Variants in CACNG4 observed in about 807,000 individuals in gnomAD.
CACNG4 encodes the protein calcium voltage-gated channel auxiliary subunit gamma 4, also known as voltage-dependent calcium channel gamma-4 subunit.
Under a neutral mutation model 22.9 loss-of-function variants are expected in CACNG4, and 8 were observed. The observed-to-expected ratio is 0.35, with a 90% CI of 0.21 to 0.63. The LOEUF (loss-of-function observed/expected upper bound fraction) is 0.63, where lower values mean the gene tolerates loss of function less well. Among genes scored for constraint, CACNG4 ranks in the 30% least tolerant of loss-of-function variants. The pLI is 0.72. For missense variants in CACNG4, 357 were observed against 455.4 expected (o/e 0.78, Z 1.97); for synonymous variants, 188 against 191.9 (o/e 0.98, Z 0.17).
At chr17:67,010,072 G>A (rs897261430) in intron 1 of CACNG4, among the ~76,000 whole-genome samples, 3 of 151,462 alleles carry the variant, frequency 2.0e-5, no homozygotes, top group Non-Finnish European at 2.9e-5. Context: ...CCTTTGCCCC[G>A]ACTGCCCCCT....
intron 1 of CACNG4, among the ~76,000 whole-genome samples, chr17:66,998,927 A>G (rs368698631): frequency 2.2e-4 from 34 of 152,270 alleles, no homozygotes; most frequent in African/African-American, 8.2e-4. Context: ...AGAACATCCC[A>G]CCATTTGGGC....
Position 67,030,820 on chromosome 17 carries a change from G to A in CACNG4, c.800G>A (p.Gly267Glu). ...TCGCCCATGGGCCTGAAGATCACAG[G>A]GGCCATCCCCATGGGGGAGCTGTCC... ...DVSPMGLKIT[G>E]AIPMGELSMY... Residue 267 changes from glycine (G) to glutamate (E), a missense_variant, in exon 4 of 4, where the codon GGG becomes GAG. Transcript: ENST00000262138. The surrounding 1 kb of genome is among the most constrained non-coding windows in gnomAD (Gnocchi z 6.4). 10 of 1,614,046 alleles carry A rather than the reference G, an allele frequency of 6.2e-6. No homozygotes were observed. Among genetic ancestry groups the A allele is most frequent in the Non-Finnish European group, 8.5e-6 (10 of 1,180,018 alleles).
intron 2 of CACNG4, among the ~76,000 whole-genome samples, chr17:67,022,768 G>A (rs2035539708): frequency 6.6e-6 from 1 of 152,242 alleles, no homozygotes; most frequent in South Asian, 2.1e-4. Context: ...GACAGCAGGT[G>A]CTTGGGAAAG....
chr17:67,018,084 C>A, intron 1 of CACNG4, 105 bp from the exon 2 acceptor site: 1 of 830,202 alleles, frequency 1.2e-6, no homozygotes. Flanking sequence ...TGTCTGTCCC[C>A]AGGACCTGCA....
chr17:66,964,920 A>T lies in CACNG4; in HGVS notation c.9A>T (p.Arg3=), dbSNP rs2035156732. The T allele has an allele frequency of 3.3e-6, 5 of 1,530,040 alleles. No homozygotes were observed. In the East Asian group the frequency reaches 1.3e-4, roughly 39 times the overall value. 94.8% of individuals were successfully genotyped at this position (1,530,040 alleles called of 1,614,324 possible). MV[R]CDRGLQMLLT... The stretch of plus-strand genomic sequence containing the variant: ...ACTATGAGGCGCCCACCATGGTGCG[A>T]TGCGACCGCGGGCTGCAGATGCTGC... Residue 3 remains arginine (R), a synonymous_variant, in exon 1 of 4, where the codon CGA becomes CGT. Transcript: ENST00000262138.
chr17:67,019,699 T>C (rs984415699), intron 2 of CACNG4, among the ~76,000 whole-genome samples: 12 of 152,270 alleles, frequency 7.9e-5, no homozygotes, highest in African/African-American at 2.9e-4. Context: ...CCTGGGACTG[T>C]AAGGAAAGAG....
At chr17:66,967,750 G>A (rs1337159576) in intron 1 of CACNG4, among the ~76,000 whole-genome samples, 4 of 152,192 alleles carry the variant, frequency 2.6e-5, no homozygotes, top group East Asian at 1.9e-4. Context: ...ATAAGACTCC[G>A]AGGATAAAGG....
At chr17:67,022,265 G>A (rs2035536642) in intron 2 of CACNG4, among the ~76,000 whole-genome samples, 1 of 152,076 alleles carries the variant, frequency 6.6e-6, no homozygotes, top group Non-Finnish European at 1.5e-5. Flanking sequence ...AGTGGAGACT[G>A]GGTTTCACAA....
rs1393773361 is a variant in CACNG4, at chr17:66,965,194, A to G, written c.220+63A>G. The G allele has an allele frequency of 7.6e-4, 692 of 909,920 alleles. 1 individual carries two copies. Among genetic ancestry groups the G allele is most frequent in the Middle Eastern group, 4.3e-3 (12 of 2,776 alleles). The allele number at this position is 909,920 out of a possible 1,614,324, so 56.4% of individuals were successfully genotyped here. A position where few individuals can be genotyped will look rare whatever the true frequency, so the allele number is the denominator to read the frequency against. On this transcript the variant is annotated intron_variant, in intron 1 of 3. Transcript: ENST00000262138. ...CACACACACACACACACATATACAC[A>G]CGCGCGCGCGCGCGCGCGCACACAC...
intron 2 of CACNG4, among the ~76,000 whole-genome samples, chr17:67,024,640 AG>A (rs2035552116): frequency 6.6e-6 from 1 of 152,216 alleles, no homozygotes; most frequent in Non-Finnish European, 1.5e-5. Context: ...ATGTGACTCC[AG>A]GGTGAAGGGC....
At chr17:67,003,292 A>G (rs2035419252) in intron 1 of CACNG4, among the ~76,000 whole-genome samples, 1 of 151,784 alleles carries the variant, frequency 6.6e-6, no homozygotes, top group Admixed American at 6.6e-5. Flanking sequence ...AGGACCCCAG[A>G]TCATACAGCT....
rs1157535367 is a variant in CACNG4, at chr17:66,997,015, AGGGTGG to A, written c.221-21171_221-21166del. ...TCCCTGCGGAGCTCAGGGTTATTGG[AGGGTGG>A]GGCCAGCAACAGGACTCAGGGTCAG... On this transcript the variant is annotated intron_variant, in intron 1 of 3. Transcript: ENST00000262138. 4.6e-5 allele frequency among the ~76,000 whole-genome samples: 7 copies of A among 152,178 alleles called. No individual in the cohort carries two copies. In the East Asian group the frequency reaches 1.4e-3, roughly 30 times the overall value.
intron 1 of CACNG4, among the ~76,000 whole-genome samples, chr17:66,994,875 G>A (rs570822467): frequency 6.6e-6 from 1 of 152,166 alleles, no homozygotes; most frequent in African/African-American, 2.4e-5. Flanking sequence ...GTGGTGAAGG[G>A]GGGAATGGGG....
intron 1 of CACNG4, among the ~76,000 whole-genome samples, chr17:66,993,436 A>G (rs79835782): frequency 0.022 from 3,369 of 152,126 alleles, 87 homozygotes; most frequent in Middle Eastern, 0.065. Context: ...CCCAGAGGAG[A>G]GTTCATACAT....
At chr17:66,991,384 G>A (rs557864967) in intron 1 of CACNG4, among the ~76,000 whole-genome samples, 26 of 152,288 alleles carry the variant, frequency 1.7e-4, no homozygotes, top group African/African-American at 6.3e-4. Flanking sequence ...ACTGTGTGAG[G>A]CATGTTTCTC....
chr17:66,994,886 G>A lies in CACNG4; in HGVS notation c.221-23303G>A, dbSNP rs902545282. Among the ~76,000 whole-genome samples, 4 of 152,270 alleles carry A rather than the reference G, an allele frequency of 2.6e-5. No individual in the cohort carries two copies. The South Asian group carries it at 8.3e-4, about 32-fold the overall frequency. ...CAGGGTGGTGAAGGGGGGAATGGGG[G>A]CATTGGTAGGAGGAGGACTGGAGCC... On this transcript the variant is annotated intron_variant, in intron 1 of 3. Coordinates refer to ENST00000262138, the MANE Select transcript of CACNG4 (RefSeq NM_014405.4).
chr17:66,992,284 G>A (rs529601499), intron 1 of CACNG4, among the ~76,000 whole-genome samples: 1 of 152,292 alleles, frequency 6.6e-6, no homozygotes, highest in South Asian at 2.1e-4. Context: ...GGAGGAGACG[G>A]GTGGGGACCC....
chr17:67,017,491 G>T (rs1379397390), intron 1 of CACNG4, among the ~76,000 whole-genome samples: 1 of 149,448 alleles, frequency 6.7e-6, no homozygotes, highest in Non-Finnish European at 1.5e-5. Flanking sequence ...TTCCCAGTGG[G>T]CAAATTCGTT....
chr17:66,980,640 T>TTTTTTTTTA (rs2035266353), intron 1 of CACNG4, among the ~76,000 whole-genome samples: 7 of 132,210 alleles, frequency 5.3e-5, no homozygotes, highest in East Asian at 4.4e-4. Flanking sequence ...TTTTTTTTTT[T>TTTTTTTTTA]GAGACTGAGT....
Sources: allele counts gnomAD v4.1 joint callset (sites outside exome capture counted in the v4.1 genomes callset), GRCh38; gene constraint gnomAD v4.1.1; non-coding constraint Gnocchi (gnomAD v3.1); transcripts MANE v1.5; gene names NCBI Gene and HGNC (gene_info 2026-07-23, HGNC 2026-07-21).